The following USP24 variants were observed in gnomAD, a reference collection of about 807,000 sequenced individuals.
USP24 encodes ubiquitin specific peptidase 24, also known as ubiquitin carboxyl-terminal hydrolase 24.
Under a neutral mutation model 361.6 loss-of-function variants are expected in USP24, and 97 were observed. The observed-to-expected ratio is 0.27, with a 90% CI of 0.23 to 0.32. The LOEUF (loss-of-function observed/expected upper bound fraction) is 0.32, where lower values mean the gene tolerates loss of function less well. USP24 is among the 10% of genes least tolerant of loss of function. USP24 has a pLI of 1.00. For synonymous variants in USP24, 1,098 were observed against 1,124.6 expected (o/e 0.98, Z 0.47); for missense variants, 2,353 against 3,165.6 (o/e 0.74, Z 6.16).
chr1:55,101,444 A>G, intron 43 of USP24, 140 bp downstream of exon 43: 2 of 1,128,356 alleles, frequency 1.8e-6, no homozygotes, highest in South Asian at 1.6e-5. Flanking sequence ...ACATGTCTTT[A>G]CACATTTCAG....
At chr1:55,095,427 G>C in intron 50 of USP24, 31 bp from the exon 51 acceptor site, 1 of 1,555,264 alleles carries the variant, frequency 6.4e-7, no homozygotes, top group Non-Finnish European at 8.7e-7. Context: ...AAACACATCT[G>C]TAAATAAAAG....
rs1325384076 is a variant in USP24, at chr1:55,106,199, A to G, written c.4827T>C (p.Asn1609=). The change falls in exon 41 of 68, where the codon AAT becomes AAC. Residue 1609 remains asparagine (N), a synonymous_variant. Transcript: ENST00000294383. The part of the protein sequence containing the change: ...FLFRASRIIL[N]SHSPAGSAAI... ...CGGCACTGCCAGCTGGAGAATGACTATTTAAAATAATTCTAGAAGCTCGGA... is the reference window on the plus strand; with the variant it reads ...CGGCACTGCCAGCTGGAGAATGACTGTTTAAAATAATTCTAGAAGCTCGGA... 6.2e-7 allele frequency: 1 copy of G among 1,613,994 alleles called. No homozygotes were observed.
Position 55,121,461 on chromosome 1 carries a change from A to C in USP24, c.4322T>G (p.Ile1441Ser), listed in dbSNP as rs758195596. ...CTCAGCACTTGGTGATCCGAGCAGAATATCAATGATGAAATCAGCAACACA... is the reference window on the plus strand; with the variant it reads ...CTCAGCACTTGGTGATCCGAGCAGACTATCAATGATGAAATCAGCAACACA... ...LPCVADFIID[I>S]LLGSPSAEIR... The change falls in exon 37 of 68, where the codon ATT becomes AGT. Residue 1441 changes from isoleucine (I) to serine (S), a missense_variant. Physicochemically the swap from Ile to Ser is moderately radical, Grantham distance 142 (BLOSUM62 -2). Transcript: ENST00000294383. The C allele has an allele frequency of 7.3e-5, 117 of 1,613,708 alleles. 1 individual carries two copies. Among genetic ancestry groups the C allele is most frequent in the Non-Finnish European group, 9.3e-5 (110 of 1,179,822 alleles).
At chr1:55,071,626 C>G (rs1341218137) in intron 67 of USP24, 188 bp downstream of exon 67, 1 of 1,139,970 alleles carries the variant, frequency 8.8e-7, no homozygotes, top group East Asian at 2.7e-5. Flanking sequence ...CACTGCAGCA[C>G]TACTCAGCCC....
At chr1:55,133,741 A>C (rs750829219) in intron 30 of USP24, among the ~76,000 whole-genome samples, 5 of 149,216 alleles carry the variant, frequency 3.4e-5, no homozygotes, top group Non-Finnish European at 5.9e-5. Flanking sequence ...GGTTCAAGCT[A>C]TCCTCCTACC....
intron 65 of USP24, 133 bp downstream of exon 65, chr1:55,072,653 G>T: frequency 2.1e-6 from 2 of 945,370 alleles, no homozygotes; most frequent in Non-Finnish European, 3.1e-6. Context: ...GATATAAACT[G>T]TAGCAAAGAA....
rs1319276409 is a variant in USP24, at chr1:55,083,801, A to T, written c.6853T>A (p.Phe2285Ile). 1.9e-6 allele frequency: 3 copies of T among 1,600,572 alleles called. No homozygotes were observed. The highest frequency in any genetic ancestry group is 2.6e-6 in the Non-Finnish European group (3 of 1,173,170). The change falls in exon 57 of 68, where the codon TTT becomes ATT. Residue 2285 changes from phenylalanine to isoleucine, a missense_variant. By Grantham distance (21) the Phe-to-Ile change is conservative. This residue lies in a region of USP24 where 598 missense variants were observed against 761.9 expected (regional missense o/e 0.78). Coordinates refer to ENST00000294383, the MANE Select transcript of USP24 (RefSeq NM_015306.3). ...TGTACAAAAGTGTTGAACAGGAAAA[A>T]GTACTGAGCACAGTTTTTACAATTT... is the stretch of plus-strand genomic sequence containing the variant. ...PENCKNCAQYFFLFNTFVQKQ... is the reference protein window; with the variant it reads ...PENCKNCAQYIFLFNTFVQKQ...
chr1:55,207,601 T>C (rs779662541), intron 1 of USP24, among the ~76,000 whole-genome samples: 1 of 152,180 alleles, frequency 6.6e-6, no homozygotes, highest in Non-Finnish European at 1.5e-5. Context: ...ATACACAGCA[T>C]TTCCATTGTA....
intron 38 of USP24, among the ~76,000 whole-genome samples, chr1:55,111,228 T>C (rs1645940697): frequency 6.6e-6 from 1 of 152,084 alleles, no homozygotes; most frequent in African/African-American, 2.4e-5. Context: ...CTGTGAGACG[T>C]AATTTTTTAA....
chr1:55,214,287 T>C (rs1235496365), intron 1 of USP24, among the ~76,000 whole-genome samples: 1 of 151,862 alleles, frequency 6.6e-6, no homozygotes, highest in Non-Finnish European at 1.5e-5. Flanking sequence ...ACCACTACTC[T>C]GGCCGGCCCA....
chr1:55,188,995 A>G lies in USP24; in HGVS notation c.325-10863T>C, dbSNP rs1030701301. On this transcript the variant is annotated intron_variant, in intron 1 of 67. Coordinates refer to ENST00000294383, the MANE Select transcript of USP24 (RefSeq NM_015306.3). ...AAAAAAAAAAAAAAAAAAAAAAAAA[A>G]GACAGGAAATAACAAGTATTGGTGA... Among the ~76,000 whole-genome samples the G allele has an allele frequency of 3.7e-5, 5 of 135,248 alleles. No homozygotes were observed. In the Admixed American group the frequency reaches 3.7e-4, roughly 10 times the overall value. 88.7% of individuals were successfully genotyped at this position (135,248 alleles called of 152,430 possible).
rs533471267 is a variant in USP24, at chr1:55,172,797, G to A, written c.559-277C>T. On this transcript the variant is annotated intron_variant, in intron 3 of 67. Coordinates refer to ENST00000294383, the MANE Select transcript of USP24 (RefSeq NM_015306.3). ...GGTCCTCTACTTTTCATAATTACAA[G>A]GGTAGGTCAAATGGTGCCGAGCAAG... Among the ~76,000 whole-genome samples, 467 of 152,224 alleles carry A rather than the reference G, an allele frequency of 3.1e-3. 4 individuals carry two copies. Among genetic ancestry groups the A allele is most frequent in the African/African-American group, 0.01 (436 of 41,554 alleles).
chr1:55,148,500 C>T lies in USP24; in HGVS notation c.1931G>A (p.Arg644His), dbSNP rs1400885299. 6.3e-6 allele frequency: 10 copies of T among 1,592,702 alleles called. No homozygotes were observed. The highest frequency in any genetic ancestry group is 1.3e-5 in the African/African-American group (1 of 74,574). ...TTGATAGGTTTGTTTTATGAATGAG[C>T]GAGTAATTTCATGGAGCTGACGCAA... ...PALRQLHEITRSFIKQTYQKQ... is the reference protein window; with the variant it reads ...PALRQLHEITHSFIKQTYQKQ... Residue 644 changes from arginine to histidine, a missense_variant, in exon 17 of 68, where the codon CGC (arginine) becomes CAC (histidine). By Grantham distance (29) the Arg-to-His change is conservative. This residue lies in a region of USP24 where 386 missense variants were observed against 560.5 expected (regional missense o/e 0.69). Coordinates refer to ENST00000294383, the MANE Select transcript of USP24 (RefSeq NM_015306.3).
intron 26 of USP24, 60 bp downstream of exon 26, chr1:55,138,548 C>T (rs1416734076): frequency 7.9e-6 from 10 of 1,263,000 alleles, no homozygotes; most frequent in Non-Finnish European, 1.1e-5. Context: ...TCAATCAAGA[C>T]TGCTTTATGA....
At chr1:55,071,685 A>C in intron 67 of USP24, 129 bp downstream of exon 67, 1 of 1,077,286 alleles carries the variant, frequency 9.3e-7, no homozygotes, top group Non-Finnish European at 1.3e-6. Flanking sequence ...ACTAGAGGGC[A>C]GCGCTGGTAA....
At chr1:55,115,316 GAAACCCCGTCTCTACTAAAAATACAAA>G (rs1646076069) in intron 38 of USP24, among the ~76,000 whole-genome samples, 2 of 151,650 alleles carry the variant, frequency 1.3e-5, no homozygotes, top group Admixed American at 1.3e-4. Flanking sequence ...CTAAAACGGT[GAAACCCCGTCTCTACTAAAAATACAAA>G]AAATTAGCCG....
intron 1 of USP24, among the ~76,000 whole-genome samples, chr1:55,183,386 TAGAG>T (rs995159006): frequency 1.4e-4 from 21 of 152,218 alleles, no homozygotes; most frequent in African/African-American, 4.3e-4. Flanking sequence ...AATACATACA[TAGAG>T]AGAGAAATAA....
intron 49 of USP24, 131 bp from the exon 50 acceptor site, chr1:55,096,753 A>G: frequency 7.1e-7 from 1 of 1,408,782 alleles, no homozygotes; most frequent in Non-Finnish European, 9.6e-7. Context: ...AGAAATATGT[A>G]GCAACAATTA....
intron 55 of USP24, among the ~76,000 whole-genome samples, chr1:55,088,098 G>A (rs960948316): frequency 1.2e-4 from 19 of 152,216 alleles, no homozygotes; most frequent in African/African-American, 4.3e-4. Context: ...GAGAGCAACA[G>A]GATTCCGCTG....
Sources: gnomAD v4.1 joint callset for allele counts (sites outside exome capture counted in the v4.1 genomes callset) on GRCh38, gnomAD v4.1.1 for gene constraint, gnomAD v4.1.1 regional missense constraint, MANE v1.5 for transcripts, NCBI Gene and HGNC (gene_info 2026-07-23, HGNC 2026-07-21) for gene names.